TMEM30A: variants seen among roughly 807,000 people sequenced by gnomAD.
TMEM30A encodes the protein cell cycle control protein 50A.
In TMEM30A, 24 loss-of-function variants were observed where a neutral mutation model predicts 38.2. The ratio of observed to expected loss-of-function variants is 0.63; its 90% confidence interval spans 0.46 to 0.88. The LOEUF (loss-of-function observed/expected upper bound fraction) is 0.88, where lower values mean the gene tolerates loss of function less well. TMEM30A is among the 40% of genes least tolerant of loss of function. The pLI is 0.00. For synonymous variants in TMEM30A, 145 were observed against 161.6 expected (o/e 0.90, Z 0.78); for missense variants, 370 against 458.6 (o/e 0.81, Z 1.77).
rs1772426254 is a variant in TMEM30A, at chr6:75,284,499, G to A, written c.140C>T (p.Ala47Val). Residue 47 changes from alanine (A) to valine (V), a missense_variant, in exon 1 of 7, where the codon GCT becomes GTT. Coordinates refer to ENST00000230461, the MANE Select transcript of TMEM30A (RefSeq NM_018247.4). ...GAAGAAAATAGGTAGCACCGTGCCAGCCGTAAGGATGGGCTGCCAAGCTGG... is the reference window on the plus strand; with the variant it reads ...GAAGAAAATAGGTAGCACCGTGCCAACCGTAAGGATGGGCTGCCAAGCTGG... ...RLPAWQPILT[A>V]GTVLPIFFII... 6.2e-7 allele frequency: 1 copy of A among 1,611,846 alleles called. No individual in the cohort carries two copies. Among genetic ancestry groups the A allele is most frequent in the African/African-American group, 1.3e-5 (1 of 74,880 alleles).
intron 1 of TMEM30A, among the ~76,000 whole-genome samples, chr6:75,283,854 C>T (rs150658053): frequency 3.3e-5 from 5 of 152,294 alleles, no homozygotes; most frequent in African/African-American, 1.2e-4. Context: ...CATATGTGAC[C>T]TGATAACATG....
At chr6:75,267,783 G>A (rs1391774704) in intron 1 of TMEM30A, 35 bp from the exon 2 acceptor site, 1 of 1,435,930 alleles carries the variant, frequency 7.0e-7, no homozygotes, top group Non-Finnish European at 9.6e-7. Context: ...CACTTCCTTA[G>A]AGAAAGTGGA....
At chr6:75,273,201 A>T (rs1230909428) in intron 1 of TMEM30A, among the ~76,000 whole-genome samples, 3 of 152,220 alleles carry the variant, frequency 2.0e-5, no homozygotes, top group Admixed American at 1.3e-4. Flanking sequence ...TGCTGACAAT[A>T]AAGCCTCAGC....
chr6:75,284,361 C>T (rs777776364), intron 1 of TMEM30A, 41 bp downstream of exon 1: 3 of 1,593,042 alleles, frequency 1.9e-6, no homozygotes, highest in South Asian at 1.1e-5. Flanking sequence ...GGACCCTCCT[C>T]CCGAGCAACG....
At chr6:75,281,288 G>T (rs1406577083) in intron 1 of TMEM30A, among the ~76,000 whole-genome samples, 1 of 151,988 alleles carries the variant, frequency 6.6e-6, no homozygotes, top group Non-Finnish European at 1.5e-5. Flanking sequence ...CACCAACAAG[G>T]GTCCTAGACT....
At chr6:75,265,207 T>C (rs1395766440) in intron 3 of TMEM30A, 24 bp downstream of exon 3, 1 of 1,373,624 alleles carries the variant, frequency 7.3e-7, no homozygotes, top group South Asian at 1.2e-5. Flanking sequence ...GATATCATAT[T>C]TTCATATTTA....
At chr6:75,271,840 C>A (rs1772177419) in intron 1 of TMEM30A, among the ~76,000 whole-genome samples, 1 of 151,978 alleles carries the variant, frequency 6.6e-6, no homozygotes, top group South Asian at 2.1e-4. Flanking sequence ...CATATAAATA[C>A]CAAGAAAACT....
chr6:75,259,837 T>C (rs1771933298), intron 4 of TMEM30A, among the ~76,000 whole-genome samples: 1 of 152,200 alleles, frequency 6.6e-6, no homozygotes, highest in African/African-American at 2.4e-5. Context: ...CTTATCCATT[T>C]CTGTTTGCAT....
chr6:75,263,258 C>T (rs1772003808), intron 3 of TMEM30A, among the ~76,000 whole-genome samples: 1 of 152,164 alleles, frequency 6.6e-6, no homozygotes, highest in African/African-American at 2.4e-5. Context: ...GTAGCTGGAG[C>T]ATGCCAAGAG....
intron 1 of TMEM30A, among the ~76,000 whole-genome samples, chr6:75,269,869 A>AT (rs1772137046): frequency 6.6e-6 from 1 of 152,004 alleles, no homozygotes; most frequent in Non-Finnish European, 1.5e-5. Flanking sequence ...TAATTTTTGT[A>AT]TTTTTAGTAG....
rs1246197344 is a variant in TMEM30A, at chr6:75,254,728, T to TA, written c.*1373dup. 1 of 152,330 alleles carries TA rather than the reference T, an allele frequency of 6.6e-6. No homozygotes were observed. The highest frequency in any genetic ancestry group is 1.5e-5 in the Non-Finnish European group (1 of 67,916). 9.4% of individuals were successfully genotyped at this position (152,330 alleles called of 1,614,324 possible). On this transcript the variant is annotated 3_prime_UTR_variant, in exon 7 of 7. Coordinates refer to ENST00000230461, the MANE Select transcript of TMEM30A (RefSeq NM_018247.4). ...TCTACACAAACATGAGTTATTTCAG[T>TA]AAAAAAACAACAACAAAAAAGCAAT...
At chr6:75,267,594 A>G (rs1772090753) in intron 2 of TMEM30A, 47 bp downstream of exon 2, 1 of 1,401,650 alleles carries the variant, frequency 7.1e-7, no homozygotes, top group Non-Finnish European at 1.0e-6. Flanking sequence ...CAGTATCAGT[A>G]TTTTTTAAAG....
At chr6:75,274,819 C>T (rs569748986) in intron 1 of TMEM30A, among the ~76,000 whole-genome samples, 14 of 151,980 alleles carry the variant, frequency 9.2e-5, no homozygotes, top group African/African-American at 1.7e-4. Context: ...GTCAGGAGAT[C>T]GAGACCACGG....
At chr6:75,270,211 G>A (rs986387362) in intron 1 of TMEM30A, among the ~76,000 whole-genome samples, 1 of 152,156 alleles carries the variant, frequency 6.6e-6, no homozygotes, top group Non-Finnish European at 1.5e-5. Flanking sequence ...TTAGCATTTG[G>A]TGGTGTCAGT....
intron 3 of TMEM30A, among the ~76,000 whole-genome samples, chr6:75,262,691 T>C (rs1771991618): frequency 6.6e-6 from 1 of 152,040 alleles, no homozygotes; most frequent in African/African-American, 2.4e-5. Context: ...ACAAAGCTAT[T>C]TGATGAGTAC....
chr6:75,266,196 T>C (rs1035499744), intron 2 of TMEM30A, among the ~76,000 whole-genome samples: 2 of 152,194 alleles, frequency 1.3e-5, no homozygotes, highest in Admixed American at 6.5e-5. Flanking sequence ...TATATTCTTA[T>C]CCTTAATTAA....
chr6:75,277,476 C>T (rs374217516), intron 1 of TMEM30A, among the ~76,000 whole-genome samples: 25 of 152,220 alleles, frequency 1.6e-4, no homozygotes, highest in African/African-American at 4.6e-4. Flanking sequence ...CAGTGGCTTG[C>T]GCCTGTAATC....
chr6:75,259,169 G>C (rs1771920783), intron 5 of TMEM30A, among the ~76,000 whole-genome samples, 178 bp downstream of exon 5: 2 of 152,164 alleles, frequency 1.3e-5, no homozygotes, highest in African/African-American at 2.4e-5. Context: ...ATAATTAAAA[G>C]TATACATTTC....
intron 1 of TMEM30A, among the ~76,000 whole-genome samples, chr6:75,273,197 CAA>C (rs1259962650): frequency 2.0e-5 from 3 of 152,122 alleles, no homozygotes; most frequent in Admixed American, 1.3e-4. Context: ...CTGCTGCTGA[CAA>C]TAAAGCCTCA....
Sources: gnomAD v4.1 joint callset for allele counts (sites outside exome capture counted in the v4.1 genomes callset) on GRCh38, gnomAD v4.1.1 for gene constraint, MANE v1.5 for transcripts, NCBI Gene and HGNC (gene_info 2026-07-23, HGNC 2026-07-21) for gene names.